Variants in GALNT18 observed in about 807,000 individuals in gnomAD.
GALNT18 encodes polypeptide N-acetylgalactosaminyltransferase 18.
In GALNT18, 44 loss-of-function variants were observed where a neutral mutation model predicts 69.5. The ratio of observed to expected loss-of-function variants is 0.63; its 90% CI spans 0.50 to 0.81. GALNT18 has a LOEUF of 0.81. GALNT18 is among the 40% of genes least tolerant of loss of function. The pLI is 0.00. For missense variants in GALNT18, 715 were observed against 810.0 expected, an observed-to-expected ratio of 0.88 and a Z score of 1.42; for synonymous variants, 364 against 318.2, an observed-to-expected ratio of 1.14 and a Z score of -1.53.
intron 5 of GALNT18, among the ~76,000 whole-genome samples, chr11:11,376,807 A>G (rs1167590115): frequency 6.6e-6 from 1 of 152,176 alleles, no homozygotes; most frequent in East Asian, 1.9e-4. Context: ...CCCGCTTTCA[A>G]TGCAGTTTCT....
chr11:11,293,971 ACTTTTT>A (rs996950032), intron 9 of GALNT18, among the ~76,000 whole-genome samples: 2 of 152,162 alleles, frequency 1.3e-5, no homozygotes, highest in South Asian at 2.1e-4. Flanking sequence ...GAGGTGGCCA[ACTTTTT>A]CTTAAAGGTC....
At position 11,617,629 on chromosome 11, in the gene GALNT18, T is replaced by C. The variant is rs1174883492; in HGVS notation, c.235+3730A>G. On this transcript the variant is annotated intron_variant, in intron 1 of 10. Transcript: ENST00000227756. This position sits in a 1 kb window ranked among gnomAD's most constrained non-coding sequence, Gnocchi z 4.7. ...ATGCAAACTGATTTTTAGGGTAGAA[T>C]GAATTATGGGCAATTTTATGCATTT... 6.6e-6 allele frequency among the ~76,000 whole-genome samples: 1 copy of C among 152,240 alleles called. No individual in the cohort carries two copies. The highest frequency in any genetic ancestry group is 2.4e-5 in the African/African-American group (1 of 41,466).
rs1273514751 is a variant in GALNT18 at position 11,379,129 on chromosome 11, G to A, written c.731C>T (p.Ala244Val). 6.2e-7 allele frequency: 1 copy of A among 1,610,692 alleles called. No homozygotes were observed. Among genetic ancestry groups the A allele is most frequent in the Non-Finnish European group, 8.5e-7 (1 of 1,179,864 alleles). ...GGCATCAAAGAGTGCCACCACAGGG[G>A]CAGTGGCCGCCCTCCAGCCACTGAC... ...SRVSGWRAAT[A>V]PVVALFDAHV... is the part of the protein sequence containing the mutation. The change falls in exon 4 of 11, where the codon GCC becomes GTC. Residue 244 changes from alanine to valine, a missense_variant. By Grantham distance (64) the Ala-to-Val change is moderately conservative. Coordinates refer to ENST00000227756, the MANE Select transcript of GALNT18 (RefSeq NM_198516.3).
chr11:11,580,947 A>G (rs1163930618), intron 1 of GALNT18, among the ~76,000 whole-genome samples: 1 of 152,244 alleles, frequency 6.6e-6, no homozygotes, highest in African/African-American at 2.4e-5. Context: ...ACTTTAGTGA[A>G]AGGTTGCCAA....
intron 10 of GALNT18, among the ~76,000 whole-genome samples, chr11:11,279,105 G>A (rs1342901902): frequency 6.6e-6 from 1 of 151,888 alleles, no homozygotes; most frequent in Non-Finnish European, 1.5e-5. Flanking sequence ...TCTCCGCTCT[G>A]AGTCTACACG....
chr11:11,566,184 T>C (rs947597106), intron 1 of GALNT18, among the ~76,000 whole-genome samples: 1 of 152,214 alleles, frequency 6.6e-6, no homozygotes, highest in Non-Finnish European at 1.5e-5. Context: ...GTTGGGAAAC[T>C]TTTTCTTAAA....
At chr11:11,553,798 C>T (rs898286775) in intron 1 of GALNT18, among the ~76,000 whole-genome samples, 25 of 152,046 alleles carry the variant, frequency 1.6e-4, no homozygotes, top group Non-Finnish European at 2.6e-4. Context: ...CCAAGTCGCC[C>T]GCAGCTGGGT....
intron 1 of GALNT18, among the ~76,000 whole-genome samples, chr11:11,580,961 CTG>C (rs1475420039): frequency 4.6e-5 from 7 of 152,284 alleles, no homozygotes; most frequent in Admixed American, 2.6e-4. Flanking sequence ...TTGCCAAAGA[CTG>C]TGTCATCCTC....
chr11:11,325,758 A>G (rs1317643385), intron 9 of GALNT18, among the ~76,000 whole-genome samples: 2 of 152,262 alleles, frequency 1.3e-5, no homozygotes, highest in East Asian at 3.9e-4. Flanking sequence ...ATGCCACACC[A>G]TTGTTAACAA....
intron 10 of GALNT18, among the ~76,000 whole-genome samples, chr11:11,277,500 T>C (rs1848974476): frequency 6.6e-6 from 1 of 152,230 alleles, no homozygotes; most frequent in Non-Finnish European, 1.5e-5. Flanking sequence ...CTCTATCTCC[T>C]TCAGTTCTGC....
chr11:11,282,780 A>G (rs915510328), intron 10 of GALNT18, among the ~76,000 whole-genome samples: 1 of 152,202 alleles, frequency 6.6e-6, no homozygotes, highest in Non-Finnish European at 1.5e-5. Flanking sequence ...ATGAGCACCT[A>G]CCATTCTAGG....
At chr11:11,525,236 ACAT>A (rs1231889720) in intron 1 of GALNT18, among the ~76,000 whole-genome samples, 2 of 152,082 alleles carry the variant, frequency 1.3e-5, no homozygotes, top group African/African-American at 4.8e-5. Flanking sequence ...AGCAATTTAA[ACAT>A]CACTCTCAAG....
rs570376749 is a variant in GALNT18 at position 11,582,504 on chromosome 11, A to T, written c.235+38855T>A. On this transcript the variant is annotated intron_variant, in intron 1 of 10. Coordinates refer to ENST00000227756, the MANE Select transcript of GALNT18 (RefSeq NM_198516.3). This position sits in a 1 kb window ranked among gnomAD's most constrained non-coding sequence, Gnocchi z 5.0. The stretch of plus-strand genomic sequence containing the variant: ...GGAGCAGAAGTGATAAACATGCACC[A>T]ATTTGAGAAGAAGCTTTAAGAGCCA... Among the ~76,000 whole-genome samples the T allele has an allele frequency of 1.3e-5, 2 of 152,366 alleles. No individual in the cohort carries two copies. Among genetic ancestry groups the T allele is most frequent in the East Asian group, 3.9e-4 (2 of 5,188 alleles).
intron 6 of GALNT18, chr11:11,352,874 T>C: frequency 6.2e-7 from 1 of 1,614,226 alleles, no homozygotes; most frequent in Non-Finnish European, 8.5e-7. Flanking sequence ...CCAAAATCTT[T>C]ATTTCACGCT....
Position 11,439,328 on chromosome 11 carries a change from C to T in GALNT18, c.429-6541G>A, listed in dbSNP as rs1330504958. ...TTGAACCACGCTGCCTCCTCCAGAG[C>T]CTGCCTGTGTGGCTTCTCATTGTGT... On this transcript the variant is annotated intron_variant, in intron 2 of 10. Coordinates refer to ENST00000227756, the MANE Select transcript of GALNT18 (RefSeq NM_198516.3). This position sits in a 1 kb window ranked among gnomAD's most constrained non-coding sequence, Gnocchi z 4.4. Among the ~76,000 whole-genome samples, 2 of 152,196 alleles carry T rather than the reference C, an allele frequency of 1.3e-5. No individual in the cohort carries two copies. The highest frequency in any genetic ancestry group is 2.9e-5 in the Non-Finnish European group (2 of 68,034).
intron 10 of GALNT18, among the ~76,000 whole-genome samples, chr11:11,289,350 G>A (rs775928398): frequency 3.9e-5 from 6 of 152,196 alleles, no homozygotes; most frequent in Non-Finnish European, 8.8e-5. Context: ...TCAAATATAT[G>A]GTTGCCAAAG....
intron 1 of GALNT18, among the ~76,000 whole-genome samples, chr11:11,556,474 C>T (rs533246686): frequency 1.3e-5 from 2 of 152,284 alleles, no homozygotes; most frequent in South Asian, 2.1e-4. Context: ...AAAGTGAGTT[C>T]GTCTCACTTC....
At chr11:11,353,565 C>G (rs905914936) in intron 6 of GALNT18, among the ~76,000 whole-genome samples, 6 of 152,126 alleles carry the variant, frequency 3.9e-5, no homozygotes, top group Non-Finnish European at 2.9e-5. Flanking sequence ...TAAAGTATTT[C>G]TTTTTTTATG....
chr11:11,289,456 G>A (rs942363283), intron 10 of GALNT18, among the ~76,000 whole-genome samples: 1 of 152,154 alleles, frequency 6.6e-6, no homozygotes, highest in Admixed American at 6.6e-5. Flanking sequence ...TTTGTTGACT[G>A]CTATGTCTGT....
Sources: allele counts gnomAD v4.1 joint callset (sites outside exome capture counted in the v4.1 genomes callset), GRCh38; gene constraint gnomAD v4.1.1; non-coding constraint Gnocchi (gnomAD v3.1); transcripts MANE v1.5; gene names NCBI Gene and HGNC (gene_info 2026-07-23, HGNC 2026-07-21).